The following EIF5B variants were observed in gnomAD, a reference collection of about 807,000 sequenced individuals.
The protein encoded by EIF5B is eukaryotic translation initiation factor 5B.
EIF5B carries 47 observed loss-of-function variants against 147.5 expected under a neutral mutation model. The observed-to-expected ratio is 0.32, with a 90% CI of 0.25 to 0.41. EIF5B has a LOEUF of 0.41. EIF5B is among the 10% of genes least tolerant of loss of function. EIF5B has a pLI of 1.00. For missense variants in EIF5B, 1,064 were observed against 1,413.2 expected, an observed-to-expected ratio of 0.75 and a Z score of 3.96; for synonymous variants, 455 against 456.2, an observed-to-expected ratio of 1.00 and a Z score of 0.03.
Position 99,340,373 on chromosome 2 carries a change from A to G in EIF5B, c.35+2784A>G, listed in dbSNP as rs541311396. On this transcript the variant is annotated intron_variant, in intron 1 of 23. Coordinates refer to ENST00000289371, the MANE Select transcript of EIF5B (RefSeq NM_015904.4). ...CTTGTTTGTGTAAAATGAGATAGAG[A>G]TCCGGTTTTATTCTCCTGGGTGAAG... 2.3e-3 allele frequency among the ~76,000 whole-genome samples: 346 copies of G among 152,244 alleles called. 4 individuals carry two copies. Among genetic ancestry groups the G allele is most frequent in the African/African-American group, 8.1e-3 (337 of 41,524 alleles).
At chr2:99,390,750 G>A in intron 17 of EIF5B, 45 bp downstream of exon 17, 1 of 1,541,742 alleles carries the variant, frequency 6.5e-7, no homozygotes, top group Non-Finnish European at 8.8e-7. Flanking sequence ...CTTGTACAGT[G>A]TTTAGAAGTT....
intron 1 of EIF5B, among the ~76,000 whole-genome samples, chr2:99,352,231 T>C (rs1300710890): frequency 3.9e-5 from 6 of 152,150 alleles, no homozygotes; most frequent in Admixed American, 3.9e-4. Flanking sequence ...GTTTCGCTCT[T>C]GTTGCTCAGG....
At chr2:99,353,645 G>A (rs976103832) in intron 1 of EIF5B, among the ~76,000 whole-genome samples, 10 of 152,094 alleles carry the variant, frequency 6.6e-5, no homozygotes, top group African/African-American at 2.4e-4. Flanking sequence ...CTCTCATGTT[G>A]TACATTTGTA....
chr2:99,393,110 T>C lies in EIF5B; in HGVS notation c.2880+12T>C. ...TCCCTGTTCTTAAAGTAAGTTCATT[T>C]AAAAATTTTTTTCCTTAAAAGCTAT... On this transcript the variant is annotated intron_variant, in intron 18 of 23. Coordinates refer to ENST00000289371, the MANE Select transcript of EIF5B (RefSeq NM_015904.4). The C allele has an allele frequency of 6.6e-7, 1 of 1,514,284 alleles. No homozygotes were observed. Among genetic ancestry groups the C allele is most frequent in the Non-Finnish European group, 8.8e-7 (1 of 1,129,976 alleles). The allele number at this position is 1,514,284 out of a possible 1,614,324, so 93.8% of individuals were successfully genotyped here. A position where few individuals can be genotyped will look rare whatever the true frequency, so the allele number is the denominator to read the frequency against.
intron 14 of EIF5B, among the ~76,000 whole-genome samples, chr2:99,387,538 A>G (rs1020791610): frequency 9.2e-5 from 14 of 152,262 alleles, no homozygotes; most frequent in Admixed American, 3.3e-4. Context: ...TGCCACTACT[A>G]CCCTGTCTCA....
At position 99,362,107 on chromosome 2, in the gene EIF5B, AC is replaced by A. The variant is rs201130325; in HGVS notation, c.919+288del. ...GCTGTTGATAAAGGCTATAGAAGTT[AC>A]TTAATGAAAAATTTATTCTTCCTTT... On this transcript the variant is annotated intron_variant, in intron 4 of 23. Coordinates refer to ENST00000289371, the MANE Select transcript of EIF5B (RefSeq NM_015904.4). Among the ~76,000 whole-genome samples the A allele has an allele frequency of 8.3e-3, 1,262 of 152,328 alleles. 17 individuals carry two copies. The highest frequency in any genetic ancestry group is 0.028 in the African/African-American group (1,180 of 41,566).
Position 99,361,343 on chromosome 2 carries a change from A to G in EIF5B, c.442A>G (p.Lys148Glu), listed in dbSNP as rs1674208780. The G allele has an allele frequency of 2.5e-6, 4 of 1,610,512 alleles. No homozygotes were observed. The highest frequency in any genetic ancestry group is 1.1e-5 in the South Asian group (1 of 89,768). The change falls in exon 4 of 24, where the codon AAA becomes GAA. Residue 148 changes from lysine to glutamate, a missense_variant. Physicochemically the swap from Lys to Glu is moderately conservative, Grantham distance 56. Coordinates refer to ENST00000289371, the MANE Select transcript of EIF5B (RefSeq NM_015904.4). ...DDDDDFNKLPKKAKGKAQKSN... is the reference protein window; with the variant it reads ...DDDDDFNKLPEKAKGKAQKSN... ...TGATGATGATTTTAACAAACTTCCT[A>G]AAAAAGCTAAAGGGAAAGCTCAAAA...
chr2:99,390,424 A>ATT (rs761213182), intron 16 of EIF5B, 23 bp downstream of exon 16: 4 of 1,513,760 alleles, frequency 2.6e-6, no homozygotes, highest in South Asian at 1.2e-5. Context: ...TTTTCAGTTT[A>ATT]TTGTTTTTTT....
chr2:99,342,217 C>A (rs1052711031), intron 1 of EIF5B, among the ~76,000 whole-genome samples: 1 of 151,812 alleles, frequency 6.6e-6, no homozygotes, highest in Non-Finnish European at 1.5e-5. Context: ...GATATTTTAA[C>A]AATTTGAGAT....
At chr2:99,372,446 C>G (rs1367341783) in intron 9 of EIF5B, among the ~76,000 whole-genome samples, 4 of 152,238 alleles carry the variant, frequency 2.6e-5, no homozygotes, top group African/African-American at 9.6e-5. Flanking sequence ...TCAAGCCATT[C>G]TCTTGCCTCA....
In EIF5B at chr2:99,401,203, G is replaced by T; in HGVS notation, c.*1789G>T. On this transcript the variant is annotated 3_prime_UTR_variant, in exon 24 of 24. Transcript: ENST00000289371. ...TGCAAATACCTCACAAGCACTTATG[G>T]CACAGCTATCAGAGAGCATCAGGCT... 2.4e-6 allele frequency: 3 copies of T among 1,270,894 alleles called. No homozygotes were observed. The highest frequency in any genetic ancestry group is 2.3e-6 in the Non-Finnish European group (2 of 869,284). The allele number at this position is 1,270,894 out of a possible 1,614,324, so 78.7% of individuals were successfully genotyped here.
chr2:99,363,387 C>G (rs1001639534), intron 4 of EIF5B, among the ~76,000 whole-genome samples: 1 of 152,158 alleles, frequency 6.6e-6, no homozygotes, highest in Admixed American at 6.6e-5. Flanking sequence ...TGACAGTATC[C>G]TTCTGTCTTA....
At chr2:99,399,075 T>C in intron 23 of EIF5B, 166 bp downstream of exon 23, 1 of 892,510 alleles carries the variant, frequency 1.1e-6, no homozygotes, top group Non-Finnish European at 1.7e-6. Flanking sequence ...TTGAGGAAGT[T>C]GCTCTATCAG....
Position 99,337,446 on chromosome 2 carries a change from GGCA to G in EIF5B, c.-105_-103del. Reference sequence around the variant, plus strand: ...CTGTGGAGAGCCGGGTGCGAGCGGCGGCAGCACGAGGGGAAAAGAGCTGAGCGG... The same window carrying G: ...CTGTGGAGAGCCGGGTGCGAGCGGCGGCACGAGGGGAAAAGAGCTGAGCGG... On this transcript the variant is annotated 5_prime_UTR_variant, in exon 1 of 24. Transcript: ENST00000289371. The G allele has an allele frequency of 1.4e-6, 2 of 1,413,726 alleles. No homozygotes were observed. The highest frequency in any genetic ancestry group is 2.0e-6 in the Non-Finnish European group (2 of 1,021,614). 87.6% of individuals were successfully genotyped at this position (1,413,726 alleles called of 1,614,324 possible). A position where few individuals can be genotyped will look rare whatever the true frequency, so the allele number is the denominator to read the frequency against.
At chr2:99,342,538 G>A (rs2094262101) in intron 1 of EIF5B, among the ~76,000 whole-genome samples, 1 of 151,930 alleles carries the variant, frequency 6.6e-6, no homozygotes, top group African/African-American at 2.4e-5. Flanking sequence ...TTTTTCCCAT[G>A]TATCACAGAA....
At chr2:99,388,051 C>G (rs1205161506) in intron 14 of EIF5B, among the ~76,000 whole-genome samples, 1 of 152,054 alleles carries the variant, frequency 6.6e-6, no homozygotes, top group Non-Finnish European at 1.5e-5. Flanking sequence ...GAATTTATCC[C>G]TAAGTATTTC....
intron 3 of EIF5B, 39 bp from the exon 4 acceptor site, chr2:99,361,109 T>C (rs755218118): frequency 1.4e-6 from 2 of 1,458,052 alleles, no homozygotes; most frequent in East Asian, 4.8e-5. Context: ...GTCTCAATTA[T>C]AATTCTGTTA....
At chr2:99,346,767 T>C (rs2094274316) in intron 1 of EIF5B, among the ~76,000 whole-genome samples, 1 of 151,700 alleles carries the variant, frequency 6.6e-6, no homozygotes, top group Non-Finnish European at 1.5e-5. Flanking sequence ...AGACGGGGTT[T>C]CATCGCGTTA....
intron 1 of EIF5B, among the ~76,000 whole-genome samples, chr2:99,338,586 GT>G (rs936923941): frequency 4.6e-5 from 7 of 152,152 alleles, no homozygotes; most frequent in African/African-American, 1.7e-4. Flanking sequence ...CTCACCTAGC[GT>G]TTGACTAGCT....
Sources: allele counts gnomAD v4.1 joint callset (sites outside exome capture counted in the v4.1 genomes callset), GRCh38; gene constraint gnomAD v4.1.1; transcripts MANE v1.5; gene names NCBI Gene and HGNC (gene_info 2026-07-23, HGNC 2026-07-21).